PSMA8: variants seen among roughly 807,000 people sequenced by gnomAD.
PSMA8 encodes the protein proteasome subunit alpha-type 8.
Under a neutral mutation model 32.4 loss-of-function variants are expected in PSMA8, and 18 were observed. That is an observed-to-expected ratio of 0.56 (90% confidence interval 0.38 to 0.82). PSMA8 has a LOEUF of 0.82. Ranked by LOEUF, PSMA8 falls within the 40% of genes least tolerant of loss-of-function variation. The probability of loss-of-function intolerance (pLI) is 0.00; values close to 1 mark genes in which losing one functional copy is unlikely to be tolerated. For missense variants in PSMA8, 298 were observed against 300.7 expected (o/e 0.99, Z 0.07); for synonymous variants, 104 against 98.1 (o/e 1.06, Z -0.36).
Position 26,171,451 on chromosome 18 carries a change from C to T in PSMA8, c.478-7379C>T, listed in dbSNP as rs575078425. On this transcript the variant is annotated intron_variant, in intron 4 of 6. Coordinates refer to ENST00000415576, the MANE Select transcript of PSMA8 (RefSeq NM_001025096.2). Reference sequence around the variant, plus strand: ...AATTTTTAAAAAATTTTCTGAGTTTCGGCCGGGTGCAGTGGCTCACGCCTG... The same window carrying T: ...AATTTTTAAAAAATTTTCTGAGTTTTGGCCGGGTGCAGTGGCTCACGCCTG... 3.9e-5 allele frequency among the ~76,000 whole-genome samples: 6 copies of T among 152,226 alleles called. No individual in the cohort carries two copies. In the East Asian group the frequency reaches 1.2e-3, roughly 29 times the overall value.
intron 3 of PSMA8, among the ~76,000 whole-genome samples, chr18:26,155,803 A>T (rs560027573): frequency 6.6e-6 from 1 of 152,336 alleles, no homozygotes; most frequent in South Asian, 2.1e-4. Flanking sequence ...TAGGCAAATG[A>T]GATTATATCA....
chr18:26,140,069 G>T (rs141263947), intron 1 of PSMA8: 2 of 702,938 alleles, frequency 2.8e-6, no homozygotes, highest in East Asian at 2.7e-5. Context: ...GATTGTTCAC[G>T]ATTCTTGTGG....
At chr18:26,149,738 A>G (rs2055030543) in intron 2 of PSMA8, among the ~76,000 whole-genome samples, 2 of 152,228 alleles carry the variant, frequency 1.3e-5, no homozygotes, top group Non-Finnish European at 2.9e-5. Flanking sequence ...TCACATAAAA[A>G]GAATGAAGTA....
In PSMA8 at chr18:26,179,150, G is replaced by C. The variant is rs778313261; in HGVS notation, c.660+20G>C. 1 of 1,581,454 alleles carries C rather than the reference G, an allele frequency of 6.3e-7. No individual in the cohort carries two copies. The highest frequency in any genetic ancestry group is 8.7e-7 in the Non-Finnish European group (1 of 1,155,462). On this transcript the variant is annotated intron_variant, in intron 6 of 6. Coordinates refer to ENST00000415576, the MANE Select transcript of PSMA8 (RefSeq NM_001025096.2). ...TTGAAGGTAAGTCATTAACCAAAGAGGAAAAAGTATCTGTAGTATAAAGTA... is the reference window on the plus strand; with the variant it reads ...TTGAAGGTAAGTCATTAACCAAAGACGAAAAAGTATCTGTAGTATAAAGTA...
At chr18:26,145,509 C>T (rs2054995701) in intron 2 of PSMA8, among the ~76,000 whole-genome samples, 1 of 152,182 alleles carries the variant, frequency 6.6e-6, no homozygotes, top group East Asian at 1.9e-4. Context: ...CACCACAAGA[C>T]TACCTCATGC....
chr18:26,166,955 TAGA>T (rs1164621967), intron 4 of PSMA8, among the ~76,000 whole-genome samples: 1 of 152,222 alleles, frequency 6.6e-6, no homozygotes, highest in Non-Finnish European at 1.5e-5. Context: ...GGTCAACATT[TAGA>T]AGATCTGCAT....
intron 2 of PSMA8, among the ~76,000 whole-genome samples, chr18:26,146,851 A>G (rs2055007086): frequency 6.6e-6 from 1 of 152,176 alleles, no homozygotes. Context: ...CTTATAAAGA[A>G]AAGATATTTA....
intron 1 of PSMA8, among the ~76,000 whole-genome samples, chr18:26,135,448 G>A (rs976543383): frequency 5.3e-5 from 8 of 151,806 alleles, no homozygotes; most frequent in African/African-American, 1.9e-4. Context: ...TCTAACAGAT[G>A]TAAGTGGTAA....
intron 1 of PSMA8, among the ~76,000 whole-genome samples, chr18:26,139,791 A>G (rs912615797): frequency 2.0e-5 from 3 of 152,164 alleles, no homozygotes; most frequent in Non-Finnish European, 2.9e-5. Flanking sequence ...GGATGATGAC[A>G]ATATTTGACT....
chr18:26,140,124 A>G (rs2054943492), intron 1 of PSMA8: 2 of 703,002 alleles, frequency 2.8e-6, no homozygotes, highest in Non-Finnish European at 5.2e-6. Context: ...GTACCTCTTC[A>G]GATTAGCTTC....
intron 6 of PSMA8, among the ~76,000 whole-genome samples, chr18:26,183,338 G>A (rs2055327634): frequency 6.7e-6 from 1 of 150,164 alleles, no homozygotes; most frequent in South Asian, 2.1e-4. Context: ...GTTGCCGTGA[G>A]CCAAGATCGC....
intron 4 of PSMA8, among the ~76,000 whole-genome samples, chr18:26,164,221 T>A (rs2055160319): frequency 6.6e-6 from 1 of 152,182 alleles, no homozygotes; most frequent in Non-Finnish European, 1.5e-5. Context: ...GAGGATCACT[T>A]GAGGCCAGGA....
chr18:26,191,720 G>A (rs2055404560), intron 6 of PSMA8, among the ~76,000 whole-genome samples: 1 of 152,094 alleles, frequency 6.6e-6, no homozygotes, highest in East Asian at 1.9e-4. Context: ...CTCCCAAAGT[G>A]CTGGGATTAC....
At chr18:26,138,583 T>C (rs929870517) in intron 1 of PSMA8, among the ~76,000 whole-genome samples, 2 of 152,212 alleles carry the variant, frequency 1.3e-5, no homozygotes, top group African/African-American at 4.8e-5. Context: ...ATTCAGACTT[T>C]ATTTTCTTCT....
intron 4 of PSMA8, among the ~76,000 whole-genome samples, chr18:26,165,965 GGTGGTGTATGCA>G: frequency 6.6e-6 from 1 of 152,078 alleles, no homozygotes; most frequent in South Asian, 2.1e-4. Flanking sequence ...AGCTGTTCCT[GGTGGTGTATGCA>G]TGTAATCCCA....
intron 1 of PSMA8, among the ~76,000 whole-genome samples, chr18:26,144,290 G>A (rs2054983609): frequency 6.6e-6 from 1 of 152,028 alleles, no homozygotes; most frequent in Non-Finnish European, 1.5e-5. Context: ...GCTTTTTTCA[G>A]GTGTATTGTA....
At position 26,152,999 on chromosome 18, in the gene PSMA8, G is replaced by T. The variant is rs77074113; in HGVS notation, c.354+1017G>T. Among the ~76,000 whole-genome samples, 491 of 152,200 alleles carry T rather than the reference G, an allele frequency of 3.2e-3. 4 individuals are homozygous for T. Among genetic ancestry groups the T allele is most frequent in the African/African-American group, 0.01 (434 of 41,534 alleles). On this transcript the variant is annotated intron_variant, in intron 3 of 6. Coordinates refer to ENST00000415576, the MANE Select transcript of PSMA8 (RefSeq NM_001025096.2). ...TACATTACCTACTCTCAGGTATTCT[G>T]GAATAGCAGCACAAAATGGACTAAA...
At chr18:26,187,120 A>G (rs1190413166) in intron 6 of PSMA8, among the ~76,000 whole-genome samples, 1 of 152,224 alleles carries the variant, frequency 6.6e-6, no homozygotes, top group Non-Finnish European at 1.5e-5. Context: ...CAAGGCGGCC[A>G]GATCACCTGA....
At position 26,144,478 on chromosome 18, in the gene PSMA8, C is replaced by T. The variant is rs1056188353; in HGVS notation, c.103-81C>T. 8.4e-6 allele frequency: 10 copies of T among 1,184,416 alleles called. No individual in the cohort carries two copies. In the South Asian group the frequency reaches 1.2e-4, roughly 15 times the overall value. The allele number at this position is 1,184,416 out of a possible 1,614,324, so 73.4% of individuals were successfully genotyped here. A position where few individuals can be genotyped will look rare whatever the true frequency, so the allele number is the denominator to read the frequency against. ...TGAATACTTAAGGAGAAGTCATTTC[C>T]CCTAAGTCATATGTTAGAATAACTT... On this transcript the variant is annotated intron_variant, in intron 1 of 6. Transcript: ENST00000415576.
Sources: gnomAD v4.1 joint callset for allele counts (sites outside exome capture counted in the v4.1 genomes callset) on GRCh38, gnomAD v4.1.1 for gene constraint, MANE v1.5 for transcripts, NCBI Gene and HGNC (gene_info 2026-07-23, HGNC 2026-07-21) for gene names.